STIL: variants seen among roughly 807,000 people sequenced by gnomAD.
STIL encodes STIL centriolar assembly protein, also known as SCL-interrupting locus protein.
Under a neutral mutation model 110.1 loss-of-function variants are expected in STIL, and 55 were observed. The observed-to-expected ratio is 0.50, with a 90% CI of 0.40 to 0.63. The LOEUF is 0.63. Among genes scored for constraint, STIL ranks in the 20% least tolerant of loss-of-function variants. The pLI, the probability that STIL is intolerant of heterozygous loss-of-function variation, is 0.00. For synonymous variants in STIL, 481 were observed against 530.0 expected (o/e 0.91, Z 1.27); for missense variants, 1,358 against 1,530.0 (o/e 0.89, Z 1.87).
At position 47,251,076 on chromosome 1, in the gene STIL, T is replaced by C; in HGVS notation, c.*60A>G. 6.6e-7 allele frequency: 1 copy of C among 1,522,948 alleles called. No individual in the cohort carries two copies. Among genetic ancestry groups the C allele is most frequent in the Non-Finnish European group, 8.9e-7 (1 of 1,121,826 alleles). 94.3% of individuals were successfully genotyped at this position (1,522,948 alleles called of 1,614,324 possible). On this transcript the variant is annotated 3_prime_UTR_variant, in exon 17 of 17. Transcript: ENST00000371877. ...GGAGCCTTGTGGTAGGCTCCTGTTT[T>C]CCCTAAGTATCTTCAGGAGACACCC...
intron 8 of STIL, among the ~76,000 whole-genome samples, chr1:47,292,916 A>C (rs1221839066): frequency 6.6e-6 from 1 of 152,188 alleles, no homozygotes; most frequent in Non-Finnish European, 1.5e-5. Flanking sequence ...ATAGATAAAG[A>C]AGGTGAGAGA....
chr1:47,290,241 A>G (rs1226816595), intron 8 of STIL, among the ~76,000 whole-genome samples: 1 of 152,244 alleles, frequency 6.6e-6, no homozygotes, highest in African/African-American at 2.4e-5. Context: ...ACACGATATG[A>G]AAAAGATTAA....
At chr1:47,281,750 A>G (rs1189365818) in intron 11 of STIL, among the ~76,000 whole-genome samples, 3 of 152,170 alleles carry the variant, frequency 2.0e-5, no homozygotes, top group African/African-American at 4.8e-5. Flanking sequence ...CGCTGTGATG[A>G]ATTTGGTTAT....
chr1:47,290,146 A>C (rs1645438837), intron 8 of STIL, among the ~76,000 whole-genome samples: 2 of 152,334 alleles, frequency 1.3e-5, no homozygotes, highest in Non-Finnish European at 1.5e-5. Context: ...AAATGTTAAA[A>C]GTAGAACTCC....
At chr1:47,266,512 C>T (rs75207709) in intron 14 of STIL, among the ~76,000 whole-genome samples, 1 of 152,178 alleles carries the variant, frequency 6.6e-6, no homozygotes, top group East Asian at 1.9e-4. Context: ...CAGGCACATA[C>T]CACCACACCC....
intron 15 of STIL, 136 bp from the exon 16 acceptor site, chr1:47,260,675 C>T: frequency 1.1e-6 from 1 of 888,454 alleles, no homozygotes; most frequent in African/African-American, 1.7e-5. Context: ...GAGTTTAAGA[C>T]CCTGGGCAAC....
At chr1:47,253,916 C>T (rs1017626934) in intron 16 of STIL, among the ~76,000 whole-genome samples, 4 of 152,018 alleles carry the variant, frequency 2.6e-5, no homozygotes, top group South Asian at 2.1e-4. Flanking sequence ...TGGTGGCTCC[C>T]GCCTGTAATC....
At chr1:47,305,333 C>A in intron 2 of STIL, 1 of 230,418 alleles carries the variant, frequency 4.3e-6, no homozygotes, top group Non-Finnish European at 8.5e-6. Flanking sequence ...GCCATGTGGG[C>A]AAGCTGGTCT....
Position 47,304,830 on chromosome 1 carries a change from C to T in STIL, c.152+59G>A, listed in dbSNP as rs1645904990. On this transcript the variant is annotated intron_variant, in intron 3 of 16. Transcript: ENST00000371877. ...TCATAGTAATCAACTTTGCCTTATA[C>T]ATCTTTGTATTACTCTTGTTTATAC... The T allele has an allele frequency of 3.1e-6, 4 of 1,278,810 alleles. No individual in the cohort carries two copies. In the Admixed American group the frequency reaches 5.3e-5, roughly 17 times the overall value. 79.2% of individuals were successfully genotyped at this position (1,278,810 alleles called of 1,614,324 possible). A position where few individuals can be genotyped will look rare whatever the true frequency, so the allele number is the denominator to read the frequency against.
intron 13 of STIL, among the ~76,000 whole-genome samples, chr1:47,270,970 C>A (rs564512387): frequency 1.3e-5 from 2 of 152,078 alleles, no homozygotes; most frequent in East Asian, 3.8e-4. Context: ...TGAGCCACTG[C>A]GCCCAGCCAA....
intron 14 of STIL, among the ~76,000 whole-genome samples, chr1:47,263,944 G>A (rs962234608): frequency 1.3e-5 from 2 of 151,848 alleles, no homozygotes; most frequent in Non-Finnish European, 2.9e-5. Context: ...GTAGAGATGG[G>A]GTTTCACCAT....
At chr1:47,275,316 GA>G (rs1421685284) in intron 12 of STIL, among the ~76,000 whole-genome samples, 11 of 151,026 alleles carry the variant, frequency 7.3e-5, no homozygotes, top group Non-Finnish European at 1.2e-4. Context: ...TTTTTAAAAA[GA>G]TTTTTTTTTT....
At chr1:47,312,851 C>T (rs1646175264) in intron 1 of STIL, 1 of 152,182 alleles carries the variant, frequency 6.6e-6, no homozygotes, top group South Asian at 2.1e-4. Flanking sequence ...AAGTCATTAT[C>T]GTGTACAATA....
Position 47,250,192 on chromosome 1 carries a change from T to C in STIL, c.*944A>G, listed in dbSNP as rs1258640093. On this transcript the variant is annotated 3_prime_UTR_variant, in exon 17 of 17. Coordinates refer to ENST00000371877, the MANE Select transcript of STIL (RefSeq NM_001048166.1). The stretch of plus-strand genomic sequence containing the variant: ...AGTTCTATTAAAAAATATTAAGACA[T>C]CTGAAAAACTCAGAAAGTTTATAAA... The C allele has an allele frequency of 5.9e-6, 1 of 168,836 alleles. No individual in the cohort carries two copies. Among genetic ancestry groups the C allele is most frequent in the Non-Finnish European group, 1.3e-5 (1 of 77,712 alleles). The allele number at this position is 168,836 out of a possible 1,614,324, so 10.5% of individuals were successfully genotyped here.
chr1:47,301,739 C>T lies in STIL; in HGVS notation c.275G>A (p.Gly92Asp). ...GSLTADEDEE[G>D]VTLTVDRFDP... The stretch of plus-strand genomic sequence containing the variant: ...AAAGCGATCTACTGTCAATGTTACA[C>T]CTTCTTCATCTGTAGAACAAAAATA... Residue 92 changes from glycine to aspartate, a missense_variant, in exon 5 of 17, where the codon GGT (glycine) becomes GAT (aspartate). Transcript: ENST00000371877. 1 of 1,613,828 alleles carries T rather than the reference C, an allele frequency of 6.2e-7. No individual in the cohort carries two copies. Among genetic ancestry groups the T allele is most frequent in the Non-Finnish European group, 8.5e-7 (1 of 1,179,952 alleles).
chr1:47,265,252 A>AAC (rs1644610555), intron 14 of STIL, among the ~76,000 whole-genome samples: 1 of 150,488 alleles, frequency 6.6e-6, no homozygotes, highest in African/African-American at 2.4e-5. Context: ...AAAAAAAAAA[A>AAC]AAAAAAAACA....
chr1:47,281,130 G>A lies in STIL; in HGVS notation c.1328C>T (p.Thr443Ile). 1 of 1,614,130 alleles carries A rather than the reference G, an allele frequency of 6.2e-7. No homozygotes were observed. Among genetic ancestry groups the A allele is most frequent in the Non-Finnish European group, 8.5e-7 (1 of 1,180,018 alleles). ...GNFIESNPLP[T>I]PLEMVNNENP... is the part of the protein sequence containing the mutation. ...TTCATTATTCACCATTTCCAATGGAGTAGGCAGAGGGTTTGATTCTATGAA... is the reference window on the plus strand; with the variant it reads ...TTCATTATTCACCATTTCCAATGGAATAGGCAGAGGGTTTGATTCTATGAA... The change falls in exon 12 of 17, where the codon ACT (threonine) becomes ATT (isoleucine). Residue 443 changes from threonine to isoleucine, a missense_variant. Transcript: ENST00000371877.
chr1:47,312,443 A>G (rs1302903345), intron 1 of STIL, among the ~76,000 whole-genome samples: 1 of 151,350 alleles, frequency 6.6e-6, no homozygotes, highest in African/African-American at 2.4e-5. Context: ...ACAGAGCGAG[A>G]CTCCGTCTCA....
intron 2 of STIL, among the ~76,000 whole-genome samples, chr1:47,309,545 T>C (rs1287223487): frequency 1.3e-5 from 2 of 151,926 alleles, no homozygotes; most frequent in Admixed American, 1.3e-4. Flanking sequence ...ATCAAGAACA[T>C]CTGGCACAAA....
Sources: allele counts gnomAD v4.1 joint callset (sites outside exome capture counted in the v4.1 genomes callset), GRCh38; gene constraint gnomAD v4.1.1; transcripts MANE v1.5; gene names NCBI Gene and HGNC (gene_info 2026-07-23, HGNC 2026-07-21).